The following PCDH9 variants were observed in gnomAD, a reference collection of about 807,000 sequenced individuals.
The protein encoded by PCDH9 is protocadherin-9.
Under a neutral mutation model 70.6 loss-of-function variants are expected in PCDH9, and 24 were observed. That is an observed-to-expected ratio of 0.34 (90% confidence interval 0.25 to 0.48). PCDH9 has a LOEUF of 0.48. PCDH9 is among the 20% of genes least tolerant of loss of function. The pLI is 0.99. For synonymous variants in PCDH9, 562 were observed against 558.5 expected (o/e 1.01, Z -0.09); for missense variants, 1,281 against 1,503.6 (o/e 0.85, Z 2.45).
chr13:66,522,695 C>T (rs951071189), intron 4 of PCDH9, among the ~76,000 whole-genome samples: 10 of 151,832 alleles, frequency 6.6e-5, no homozygotes, highest in Non-Finnish European at 1.3e-4. Context: ...TATGTGACCA[C>T]GGAGATAGAG....
chr13:66,967,635 C>A (rs538969264), intron 2 of PCDH9, among the ~76,000 whole-genome samples: 1 of 152,024 alleles, frequency 6.6e-6, no homozygotes, highest in African/African-American at 2.4e-5. Flanking sequence ...AAAATAACAA[C>A]AAATTATACA....
chr13:66,929,088 T>C (rs924999958), intron 2 of PCDH9, among the ~76,000 whole-genome samples: 2 of 152,134 alleles, frequency 1.3e-5, no homozygotes, highest in Non-Finnish European at 2.9e-5. Flanking sequence ...AATAACTTTT[T>C]AGCAAAATAT....
intron 4 of PCDH9, among the ~76,000 whole-genome samples, chr13:66,328,000 C>T (rs577080554): frequency 4.1e-4 from 62 of 152,180 alleles, no homozygotes; most frequent in African/African-American, 1.4e-3. Context: ...CCTTTAGTTA[C>T]TTATTAAAGA....
At chr13:66,614,803 G>C (rs914653956) in intron 4 of PCDH9, among the ~76,000 whole-genome samples, 1 of 152,188 alleles carries the variant, frequency 6.6e-6, no homozygotes, top group African/African-American at 2.4e-5. Context: ...TTTGCCATGA[G>C]AGTACATTGA....
In PCDH9 at chr13:66,501,031, T is replaced by C. The variant is rs534454272; in HGVS notation, c.3340+130179A>G. On this transcript the variant is annotated intron_variant, in intron 4 of 4. Transcript: ENST00000377865. The stretch of plus-strand genomic sequence containing the variant: ...TAGGTTTAATTATATTTCAAACAGC[T>C]GAATTAATTGATAAGTGGTAATATT... Among the ~76,000 whole-genome samples, 107 of 152,236 alleles carry C rather than the reference T, an allele frequency of 7.0e-4. No individual in the cohort carries two copies. The Middle Eastern group carries it at 0.027, about 39-fold the overall frequency.
At chr13:67,222,079 C>A (rs1035710050) in intron 2 of PCDH9, 1 of 152,224 alleles carries the variant, frequency 6.6e-6, no homozygotes, top group South Asian at 2.1e-4. Flanking sequence ...GATTCCCAGA[C>A]ATTCCACAGG....
intron 4 of PCDH9, among the ~76,000 whole-genome samples, chr13:66,466,952 C>T (rs1958524521): frequency 6.6e-6 from 1 of 152,012 alleles, no homozygotes; most frequent in Non-Finnish European, 1.5e-5. Context: ...TTAAGAAGCA[C>T]CAGGTTCCAT....
At chr13:66,677,145 A>G (rs1593878119) in intron 3 of PCDH9, among the ~76,000 whole-genome samples, 1 of 152,078 alleles carries the variant, frequency 6.6e-6, no homozygotes, top group Non-Finnish European at 1.5e-5. Flanking sequence ...TTATAAAGCA[A>G]TTTAGAAAAC....
intron 3 of PCDH9, among the ~76,000 whole-genome samples, chr13:66,798,008 A>C (rs1242168931): frequency 6.6e-6 from 1 of 151,760 alleles, no homozygotes; most frequent in Non-Finnish European, 1.5e-5. Context: ...AAGAAAAATA[A>C]GAAAAAATAG....
chr13:66,489,592 A>T (rs975348647), intron 4 of PCDH9, among the ~76,000 whole-genome samples: 4 of 152,180 alleles, frequency 2.6e-5, no homozygotes, highest in African/African-American at 9.7e-5. Flanking sequence ...GATTACAGGC[A>T]TGAGCCACCT....
chr13:67,000,724 G>A (rs966802614), intron 2 of PCDH9, among the ~76,000 whole-genome samples: 1 of 151,996 alleles, frequency 6.6e-6, no homozygotes, highest in African/African-American at 2.4e-5. Context: ...ATATTTCTTT[G>A]TGCAGTAAGA....
chr13:67,100,321 C>T (rs968199645), intron 2 of PCDH9, among the ~76,000 whole-genome samples: 1 of 152,106 alleles, frequency 6.6e-6, no homozygotes, highest in Non-Finnish European at 1.5e-5. Context: ...GTACTGGGGA[C>T]TGTGCAATGG....
rs979401299 is a variant in PCDH9, at chr13:66,486,726, T to C, written c.3340+144484A>G. 2.6e-4 allele frequency among the ~76,000 whole-genome samples: 39 copies of C among 152,212 alleles called. 1 individual carries two copies. Among genetic ancestry groups the C allele is most frequent in the Non-Finnish European group, 4.4e-5 (3 of 68,034 alleles). Reference sequence around the variant, plus strand: ...CATGATCTCATAAATTAAAATTTGCTTATTTTTCATGTTTCTAATTTAAGG... The same window carrying C: ...CATGATCTCATAAATTAAAATTTGCCTATTTTTCATGTTTCTAATTTAAGG... On this transcript the variant is annotated intron_variant, in intron 4 of 4. Coordinates refer to ENST00000377865, the MANE Select transcript of PCDH9 (RefSeq NM_203487.3).
intron 3 of PCDH9, among the ~76,000 whole-genome samples, chr13:66,654,834 A>G (rs893021891): frequency 6.6e-6 from 1 of 151,910 alleles, no homozygotes; most frequent in Non-Finnish European, 1.5e-5. Context: ...TTAGCTTCCC[A>G]AGTAGTTGGG....
chr13:67,168,389 T>C (rs2088181181), intron 2 of PCDH9, among the ~76,000 whole-genome samples: 1 of 152,120 alleles, frequency 6.6e-6, no homozygotes, highest in Non-Finnish European at 1.5e-5. Flanking sequence ...GAAATAGTTC[T>C]ATACTAGGAA....
At chr13:66,858,077 C>G (rs993494711) in intron 3 of PCDH9, among the ~76,000 whole-genome samples, 2 of 152,134 alleles carry the variant, frequency 1.3e-5, no homozygotes, top group Non-Finnish European at 2.9e-5. Context: ...AGCATCCTTA[C>G]TAAGATAAAT....
chr13:67,198,436 C>T (rs2089129494), intron 2 of PCDH9, among the ~76,000 whole-genome samples: 2 of 151,788 alleles, frequency 1.3e-5, no homozygotes, highest in South Asian at 4.1e-4. Flanking sequence ...CTTTTGAATT[C>T]ACAGCAATTT....
intron 4 of PCDH9, among the ~76,000 whole-genome samples, chr13:66,612,825 G>A (rs1435136573): frequency 6.6e-6 from 1 of 151,798 alleles, no homozygotes; most frequent in Non-Finnish European, 1.5e-5. Flanking sequence ...CCATGTTTCT[G>A]CTTTTTTTTT....
intron 4 of PCDH9, among the ~76,000 whole-genome samples, chr13:66,557,321 A>G (rs1961779656): frequency 6.6e-6 from 1 of 152,212 alleles, no homozygotes; most frequent in Admixed American, 6.5e-5. Flanking sequence ...GATTAATTCA[A>G]ATAGAGATCT....
Sources: gnomAD v4.1 joint callset for allele counts (sites outside exome capture counted in the v4.1 genomes callset) on GRCh38, gnomAD v4.1.1 for gene constraint, MANE v1.5 for transcripts, NCBI Gene and HGNC (gene_info 2026-07-23, HGNC 2026-07-21) for gene names.